Variants in ANKRD28 observed in about 807,000 individuals in gnomAD.
ANKRD28 encodes the protein serine/threonine-protein phosphatase 6 regulatory ankyrin repeat subunit A.
ANKRD28 carries 44 observed loss-of-function variants against 126.5 expected under a neutral mutation model. The observed-to-expected ratio is 0.35, with a 90% CI of 0.27 to 0.45. The LOEUF is 0.45. Ranked by LOEUF, ANKRD28 falls within the 20% of genes least tolerant of loss-of-function variation. The pLI is 1.00. For missense variants in ANKRD28, 1,110 were observed against 1,316.6 expected (o/e 0.84, Z 2.43); for synonymous variants, 442 against 468.5 (o/e 0.94, Z 0.73).
rs367741961 is a variant in ANKRD28 at position 15,714,563 on chromosome 3, A to C, written c.1075+15T>G. ...AAAAAAAAAACCCCAAAAAAAAAACAGAAATACTTTTTACCACTCTGGATA... is the reference window on the plus strand; with the variant it reads ...AAAAAAAAAACCCCAAAAAAAAAACCGAAATACTTTTTACCACTCTGGATA... On this transcript the variant is annotated intron_variant, in intron 9 of 27. Coordinates refer to ENST00000683139, the MANE Select transcript of ANKRD28 (RefSeq NM_001349278.2). 9.7e-6 allele frequency: 15 copies of C among 1,554,374 alleles called. No individual in the cohort carries two copies. The East Asian group carries it at 3.4e-4, about 35-fold the overall frequency.
At chr3:15,684,029 G>C (rs893607244) in intron 21 of ANKRD28, 1 of 152,068 alleles carries the variant, frequency 6.6e-6, no homozygotes, top group African/African-American at 2.4e-5. Flanking sequence ...TTGTAGATCT[G>C]CTGTCATAAT....
intron 2 of ANKRD28, among the ~76,000 whole-genome samples, chr3:15,794,028 C>A (rs773626588): frequency 2.8e-4 from 43 of 152,150 alleles, no homozygotes; most frequent in Non-Finnish European, 1.9e-4. Flanking sequence ...GGAGATCATG[C>A]CACTACACTC....
chr3:15,675,900 T>C lies in ANKRD28; in HGVS notation c.2963A>G (p.Asn988Ser). The change falls in exon 27 of 28, where the codon AAT becomes AGT. Residue 988 changes from asparagine (N) to serine (S), a missense_variant and splice_region_variant. Coordinates refer to ENST00000683139, the MANE Select transcript of ANKRD28 (RefSeq NM_001349278.2). Reference protein sequence around the residue: ...KGASVLAVDENGYTPALACAP... With the variant: ...KGASVLAVDESGYTPALACAP... ...AAGAGAATATAGAACCAACTTACCA[T>C]TTTCATCTACTGCAAGCACACTTGC... The C allele has an allele frequency of 6.2e-7, 1 of 1,607,046 alleles. No homozygotes were observed. Among genetic ancestry groups the C allele is most frequent in the African/African-American group, 1.3e-5 (1 of 74,898 alleles).
At position 15,796,764 on chromosome 3, in the gene ANKRD28, A is replaced by G. The variant is rs1486963284; in HGVS notation, c.-243T>C. The G allele has an allele frequency of 1.0e-6, 1 of 988,298 alleles. No individual in the cohort carries two copies. Among genetic ancestry groups the G allele is most frequent in the East Asian group, 1.1e-4 (1 of 8,950 alleles). 61.2% of individuals were successfully genotyped at this position (988,298 alleles called of 1,614,324 possible). On this transcript the variant is annotated 5_prime_UTR_variant, in exon 1 of 28. Coordinates refer to ENST00000683139, the MANE Select transcript of ANKRD28 (RefSeq NM_001349278.2). The stretch of plus-strand genomic sequence containing the variant: ...ATTATTTCTGTTGGATTACTGCAAT[A>G]CTTAAGAAGAAATTTCACACCAACA...
chr3:15,691,391 G>A (rs1378751981), intron 17 of ANKRD28, among the ~76,000 whole-genome samples: 7 of 152,088 alleles, frequency 4.6e-5, no homozygotes, highest in Non-Finnish European at 7.4e-5. Context: ...CCAAAGTGCT[G>A]GGATTACAGG....
rs1240205774 is a variant in ANKRD28, at chr3:15,669,286, G to C, written c.*984C>G. The C allele has an allele frequency of 2.0e-5, 3 of 152,214 alleles. No homozygotes were observed. Among genetic ancestry groups the C allele is most frequent in the Admixed American group, 6.5e-5 (1 of 15,282 alleles). The allele number at this position is 152,214 out of a possible 1,614,324, so 9.4% of individuals were successfully genotyped here. The stretch of plus-strand genomic sequence containing the variant: ...AAAAAATCCCCCAACCCATGGTGGG[G>C]ACACAAAAGTAACATAAGTGACTAA... On this transcript the variant is annotated 3_prime_UTR_variant, in exon 28 of 28. Transcript: ENST00000683139.
intron 4 of ANKRD28, among the ~76,000 whole-genome samples, chr3:15,740,853 A>C (rs988024743): frequency 2.0e-5 from 3 of 152,240 alleles, no homozygotes; most frequent in Admixed American, 6.5e-5. Flanking sequence ...TAGAGTATCA[A>C]GACAGATCAA....
Position 15,685,328 on chromosome 3 carries a change from C to A in ANKRD28, c.2287G>T (p.Gly763Cys). ...GACTGCAAAAGGGCTCCAAGAACACCAATGTGTCCACAGGCAGCAGACAGG... is the reference window on the plus strand; with the variant it reads ...GACTGCAAAAGGGCTCCAAGAACACAAATGTGTCCACAGGCAGCAGACAGG... ...IHLSAACGHIGVLGALLQSAA... is the reference protein window; with the variant it reads ...IHLSAACGHICVLGALLQSAA... The change falls in exon 21 of 28, where the codon GGT becomes TGT. Residue 763 changes from glycine to cysteine, a missense_variant. Coordinates refer to ENST00000683139, the MANE Select transcript of ANKRD28 (RefSeq NM_001349278.2). 1 of 1,614,000 alleles carries A rather than the reference C, an allele frequency of 6.2e-7. No homozygotes were observed. Among genetic ancestry groups the A allele is most frequent in the Non-Finnish European group, 8.5e-7 (1 of 1,179,876 alleles).
exon 1 of ANKRD28, chr3:15,859,508 G>T: frequency 9.2e-7 from 1 of 1,087,504 alleles, no homozygotes; most frequent in South Asian, 1.6e-5. Flanking sequence ...GCCGCTGCCC[G>T]GGACCAGCGG....
intron 2 of ANKRD28, among the ~76,000 whole-genome samples, chr3:15,791,921 T>TA (rs1474981403): frequency 6.6e-6 from 1 of 151,990 alleles, no homozygotes; most frequent in East Asian, 1.9e-4. Flanking sequence ...AATAATCTGA[T>TA]AAAAAATGGG....
intron 8 of ANKRD28, 97 bp from the exon 9 acceptor site, chr3:15,714,753 A>C (rs1275479317): frequency 2.6e-6 from 2 of 783,872 alleles, no homozygotes; most frequent in Non-Finnish European, 3.7e-6. Context: ...TATTTTTATA[A>C]CTATTTTACA....
At chr3:15,701,084 A>G (rs2070526135) in intron 14 of ANKRD28, among the ~76,000 whole-genome samples, 1 of 152,216 alleles carries the variant, frequency 6.6e-6, no homozygotes, top group African/African-American at 2.4e-5. Context: ...ATCACACTGA[A>G]GTCATATAAA....
intron 21 of ANKRD28, among the ~76,000 whole-genome samples, chr3:15,682,773 A>G (rs2067675866): frequency 6.6e-6 from 1 of 152,210 alleles, no homozygotes; most frequent in Non-Finnish European, 1.5e-5. Context: ...TCAGAATGCC[A>G]AATTATAAAA....
intron 14 of ANKRD28, among the ~76,000 whole-genome samples, chr3:15,703,595 C>G (rs564236852): frequency 1.4e-4 from 21 of 152,316 alleles, no homozygotes; most frequent in African/African-American, 4.3e-4. Context: ...CCTTGATATT[C>G]TTGACTTCTC....
intron 4 of ANKRD28, among the ~76,000 whole-genome samples, chr3:15,747,225 T>C (rs1253812499): frequency 3.3e-5 from 5 of 152,024 alleles, no homozygotes; most frequent in African/African-American, 1.2e-4. Flanking sequence ...TTATTTCTTT[T>C]CTTCTGCTGG....
At chr3:15,723,586 A>C (rs1230395229) in intron 7 of ANKRD28, among the ~76,000 whole-genome samples, 1 of 152,088 alleles carries the variant, frequency 6.6e-6, no homozygotes, top group East Asian at 1.9e-4. Flanking sequence ...TGAGGTCAAG[A>C]GTTAGACACC....
At chr3:15,858,136 T>C (rs2061815114) in intron 1 of ANKRD28, among the ~76,000 whole-genome samples, 1 of 152,274 alleles carries the variant, frequency 6.6e-6, no homozygotes, top group African/African-American at 2.4e-5. Flanking sequence ...ATATGTCTAC[T>C]GAGCACTTAA....
chr3:15,789,013 A>G (rs2059907686), intron 2 of ANKRD28, among the ~76,000 whole-genome samples: 1 of 152,150 alleles, frequency 6.6e-6, no homozygotes, highest in Non-Finnish European at 1.5e-5. Context: ...TTAGAGTCCA[A>G]CTGTTCTTCA....
intron 1 of ANKRD28, among the ~76,000 whole-genome samples, chr3:15,813,262 A>C (rs1209547240): frequency 6.6e-6 from 1 of 152,064 alleles, no homozygotes; most frequent in African/African-American, 2.4e-5. Flanking sequence ...GCTACTCGGG[A>C]GGCTGAGGTG....
Sources: gnomAD v4.1 joint callset for allele counts (sites outside exome capture counted in the v4.1 genomes callset) on GRCh38, gnomAD v4.1.1 for gene constraint, MANE v1.5 for transcripts, NCBI Gene and HGNC (gene_info 2026-07-23, HGNC 2026-07-21) for gene names.